Variants in SFI1 observed in about 807,000 individuals in gnomAD.
SFI1 encodes the protein protein SFI1 homolog.
In SFI1, 195 loss-of-function variants were observed where a neutral mutation model predicts 207.5. That is an observed-to-expected ratio of 0.94 (90% CI 0.84 to 1.06). SFI1 has a LOEUF of 1.06. SFI1 is among the 50% of genes least tolerant of loss of function. The probability of loss-of-function intolerance (pLI) is 0.00; values close to 1 mark genes in which losing one functional copy is unlikely to be tolerated. For synonymous variants in SFI1, 630 were observed against 598.9 expected, an observed-to-expected ratio of 1.05 and a Z score of -0.76; for missense variants, 1,634 against 1,588.0, an observed-to-expected ratio of 1.03 and a Z score of -0.49.
chr22:31,570,319 T>C (rs1172448006), intron 8 of SFI1, among the ~76,000 whole-genome samples: 1 of 152,158 alleles, frequency 6.6e-6, no homozygotes, highest in Non-Finnish European at 1.5e-5. Context: ...TACGAAGTTT[T>C]AGCGTCCAAG....
intron 7 of SFI1, chr22:31,559,545 C>T (rs1194918926): frequency 1.0e-5 from 6 of 589,096 alleles, no homozygotes; most frequent in Admixed American, 2.2e-5. Flanking sequence ...GCAACATCAA[C>T]GGGCAGCAGA....
intron 2 of SFI1, among the ~76,000 whole-genome samples, chr22:31,511,864 C>T (rs1466387767): frequency 1.3e-5 from 2 of 152,022 alleles, no homozygotes; most frequent in African/African-American, 4.8e-5. Flanking sequence ...GTTGGTCTGG[C>T]TGGTCTTGAA....
In SFI1 at chr22:31,580,156, G is replaced by A. The variant is rs2063939807; in HGVS notation, c.1156-116G>A. 5.6e-6 allele frequency: 4 copies of A among 709,908 alleles called. No homozygotes were observed. In the Admixed American group the frequency reaches 7.6e-5, roughly 13 times the overall value. The allele number at this position is 709,908 out of a possible 1,614,324, so 44.0% of individuals were successfully genotyped here. On this transcript the variant is annotated intron_variant, in intron 11 of 32. Coordinates refer to ENST00000400288, the MANE Select transcript of SFI1 (RefSeq NM_001007467.3). The stretch of plus-strand genomic sequence containing the variant: ...CAGGGAGATGGAACAGCTACAAGAA[G>A]CTGTGACCAAGCTTCTCCCCGCTGA...
chr22:31,533,454 C>G (rs1190301606), intron 4 of SFI1, among the ~76,000 whole-genome samples: 1 of 152,124 alleles, frequency 6.6e-6, no homozygotes, highest in East Asian at 1.9e-4. Flanking sequence ...TGTTTGAACC[C>G]GGGAGGCCGA....
At chr22:31,591,002 G>A in intron 15 of SFI1, among the ~76,000 whole-genome samples, 1 of 142,394 alleles carries the variant, frequency 7.0e-6, no homozygotes, top group African/African-American at 2.6e-5. Context: ...TAATTCTTGG[G>A]TGTTTCTCAC....
chr22:31,551,884 G>T (rs1049843776), intron 6 of SFI1, among the ~76,000 whole-genome samples: 13 of 152,206 alleles, frequency 8.5e-5, no homozygotes, highest in African/African-American at 3.1e-4. Context: ...ATACTAATAG[G>T]TGTATACAGG....
intron 5 of SFI1, among the ~76,000 whole-genome samples, chr22:31,549,505 C>T (rs907648877): frequency 6.6e-6 from 1 of 151,746 alleles, no homozygotes; most frequent in Non-Finnish European, 1.5e-5. Context: ...GCTGAGACTA[C>T]AGGCACATGC....
intron 6 of SFI1, 45 bp from the exon 7 acceptor site, chr22:31,556,897 C>G: frequency 7.6e-7 from 1 of 1,320,060 alleles, no homozygotes; most frequent in Non-Finnish European, 1.1e-6. Flanking sequence ...CCAGAGTAAT[C>G]CATCTCTCCC....
intron 21 of SFI1, chr22:31,606,672 G>T: frequency 7.3e-6 from 2 of 272,498 alleles, no homozygotes; most frequent in Non-Finnish European, 1.4e-5. Flanking sequence ...GTTCTTATCA[G>T]AACCAGTATT....
intron 2 of SFI1, among the ~76,000 whole-genome samples, chr22:31,508,684 TCTA>T (rs1287877878): frequency 2.0e-5 from 3 of 152,186 alleles, no homozygotes; most frequent in African/African-American, 7.2e-5. Flanking sequence ...TCTCGTGTCT[TCTA>T]CTTTTGATCA....
Position 31,576,285 on chromosome 22 carries a change from G to A in SFI1, c.1084+893G>A, listed in dbSNP as rs1268939312. On this transcript the variant is annotated intron_variant, in intron 10 of 32. Coordinates refer to ENST00000400288, the MANE Select transcript of SFI1 (RefSeq NM_001007467.3). ...GGTGATCCACCCACCTCAGCCTCCC[G>A]AAGTGCTGGGATTACAGGCATGAGC... 5.4e-5 allele frequency among the ~76,000 whole-genome samples: 8 copies of A among 147,524 alleles called. No homozygotes were observed. In the East Asian group the frequency reaches 1.6e-3, roughly 30 times the overall value.
chr22:31,542,543 G>A (rs909230368), intron 4 of SFI1, among the ~76,000 whole-genome samples: 2 of 152,058 alleles, frequency 1.3e-5, no homozygotes, highest in East Asian at 1.9e-4. Flanking sequence ...AAGGAGAACC[G>A]CTTGAACCCG....
At chr22:31,512,551 C>G (rs532426326) in intron 2 of SFI1, among the ~76,000 whole-genome samples, 174 of 151,942 alleles carry the variant, frequency 1.1e-3, no homozygotes, top group African/African-American at 3.7e-3. Flanking sequence ...GAGTCTCGCC[C>G]TGTCGCCCAG....
At chr22:31,499,597 T>C (rs1307835493) in intron 1 of SFI1, among the ~76,000 whole-genome samples, 2 of 152,202 alleles carry the variant, frequency 1.3e-5, no homozygotes, top group East Asian at 3.8e-4. Context: ...TTTAAGAGGA[T>C]TGACTTCAAT....
chr22:31,519,270 T>C (rs982433622), intron 2 of SFI1, among the ~76,000 whole-genome samples: 4 of 150,962 alleles, frequency 2.6e-5, no homozygotes, highest in African/African-American at 9.8e-5. Context: ...TCTTTTATTT[T>C]CCATTTTTTT....
chr22:31,550,349 G>A lies in SFI1; in HGVS notation c.544+1G>A. ...AAGTACATTAGAGCCGAGGTTCATG[G>A]TGAGAAAAAGAAGTCCATGTCTGAA... On this transcript the variant is annotated splice_donor_variant, in intron 6 of 32. Transcript: ENST00000400288. LOFTEE classifies it high-confidence loss of function. 1.2e-6 allele frequency: 2 copies of A among 1,613,426 alleles called. No homozygotes were observed. Among genetic ancestry groups the A allele is most frequent in the East Asian group, 2.2e-5 (1 of 44,884 alleles).
intron 21 of SFI1, among the ~76,000 whole-genome samples, chr22:31,607,350 C>A (rs1185681752): frequency 6.6e-6 from 1 of 152,082 alleles, no homozygotes; most frequent in Non-Finnish European, 1.5e-5. Context: ...CACCTGTAAT[C>A]CCAGCACTTT....
At chr22:31,568,531 CAA>C (rs60447566) in intron 8 of SFI1, among the ~76,000 whole-genome samples, 47 of 37,414 alleles carry the variant, frequency 1.3e-3, no homozygotes, top group East Asian at 5.8e-3. Context: ...GACCCTGTCT[CAA>C]AAAAAAAAAA....
intron 13 of SFI1, 41 bp downstream of exon 13, chr22:31,584,013 T>C: frequency 6.6e-7 from 1 of 1,516,706 alleles, no homozygotes. Context: ...AGGGACTTTG[T>C]GCCTCTGACT....
Sources: gnomAD v4.1 joint callset for allele counts (sites outside exome capture counted in the v4.1 genomes callset) on GRCh38, gnomAD v4.1.1 for gene constraint, MANE v1.5 for transcripts, NCBI Gene and HGNC (gene_info 2026-07-23, HGNC 2026-07-21) for gene names.